The following SURF4 variants were observed in gnomAD, a reference collection of about 807,000 sequenced individuals.
SURF4 encodes the protein surfeit 4.
Under a neutral mutation model 30.0 loss-of-function variants are expected in SURF4, and 3 were observed. The ratio of observed to expected loss-of-function variants is 0.10; its 90% CI spans 0.05 to 0.26. The LOEUF (loss-of-function observed/expected upper bound fraction) is 0.26, where lower values mean the gene tolerates loss of function less well. Among genes scored for constraint, SURF4 ranks in the 10% least tolerant of loss-of-function variants. The pLI is 1.00. For synonymous variants in SURF4, 143 were observed against 139.9 expected, an observed-to-expected ratio of 1.02 and a Z score of -0.16; for missense variants, 217 against 350.8, an observed-to-expected ratio of 0.62 and a Z score of 3.05.
chr9:133,362,339 G>GT lies in SURF4; in HGVS notation c.*1153dup, dbSNP rs912472366. ...AAAAAGAGAAACACAGTATAAGGCA[G>GT]TGTTAGAAAACTTTAAATACAGGAT... On this transcript the variant is annotated 3_prime_UTR_variant, in exon 6 of 6. Transcript: ENST00000371989. 1 of 152,658 alleles carries GT rather than the reference G, an allele frequency of 6.6e-6. No homozygotes were observed. Among genetic ancestry groups the GT allele is most frequent in the Admixed American group, 6.5e-5 (1 of 15,288 alleles). The allele number at this position is 152,658 out of a possible 1,614,324, so 9.5% of individuals were successfully genotyped here.
intron 2 of SURF4, 111 bp downstream of exon 2, chr9:133,367,148 G>C (rs1367471567): frequency 2.9e-6 from 4 of 1,362,040 alleles, no homozygotes; most frequent in Non-Finnish European, 4.0e-6. Flanking sequence ...GAGGGGAATG[G>C]AGGGGGGACA....
At chr9:133,368,810 T>C (rs1010170540) in intron 1 of SURF4, among the ~76,000 whole-genome samples, 1 of 152,130 alleles carries the variant, frequency 6.6e-6, no homozygotes, top group African/African-American at 2.4e-5. Flanking sequence ...AAAGAAATAC[T>C]GTAACACAGC....
chr9:133,366,170 T>C, intron 3 of SURF4, 142 bp from the exon 4 acceptor site: 1 of 766,750 alleles, frequency 1.3e-6, no homozygotes, highest in East Asian at 2.6e-5. Context: ...CGAGGACAGA[T>C]CTAAGCTCAA....
intron 1 of SURF4, among the ~76,000 whole-genome samples, chr9:133,369,218 T>C (rs1837362671): frequency 6.6e-6 from 1 of 152,180 alleles, no homozygotes. Context: ...GCAGTGTCAG[T>C]TCTGCACACA....
chr9:133,363,346 G>A lies in SURF4; in HGVS notation c.*147C>T, dbSNP rs1836941370. On this transcript the variant is annotated 3_prime_UTR_variant, in exon 6 of 6. Coordinates refer to ENST00000371989, the MANE Select transcript of SURF4 (RefSeq NM_033161.4). The surrounding 1 kb of genome is among the most constrained non-coding windows in gnomAD (Gnocchi z 4.3). The stretch of plus-strand genomic sequence containing the variant: ...GAGCCATCGATTCTCAGGTGTCTCT[G>A]CAAATAAAGTTCTCAAAACATCTGT... 5 of 1,306,364 alleles carry A rather than the reference G, an allele frequency of 3.8e-6. No homozygotes were observed. The highest frequency in any genetic ancestry group is 3.9e-5 in the Admixed American group (2 of 50,942). The allele number at this position is 1,306,364 out of a possible 1,614,324, so 80.9% of individuals were successfully genotyped here.
intron 1 of SURF4, among the ~76,000 whole-genome samples, chr9:133,368,917 G>T (rs1179035): frequency 4.6e-5 from 7 of 152,228 alleles, no homozygotes; most frequent in African/African-American, 1.7e-4. Flanking sequence ...CACGGGAGGC[G>T]AGCGAACGTC....
At chr9:133,365,213 T>G (rs2130114957) in intron 4 of SURF4, among the ~76,000 whole-genome samples, 187 bp from the exon 5 acceptor site, 2 of 152,234 alleles carry the variant, frequency 1.3e-5, no homozygotes, top group East Asian at 3.9e-4. Flanking sequence ...GTTACACCCA[T>G]GTAAAACCTT....
chr9:133,375,113 G>A (rs965708946), intron 1 of SURF4: 2 of 657,424 alleles, frequency 3.0e-6, no homozygotes, highest in Non-Finnish European at 3.8e-6. Context: ...GCTTAATCAA[G>A]AAAGAGGGAA....
At chr9:133,374,146 C>G (rs1837705154) in intron 1 of SURF4, among the ~76,000 whole-genome samples, 1 of 152,104 alleles carries the variant, frequency 6.6e-6, no homozygotes, top group South Asian at 2.1e-4. Context: ...TCTTAGGGAG[C>G]TGCGACTTGG....
chr9:133,375,371 C>T, intron 1 of SURF4: 1 of 985,736 alleles, frequency 1.0e-6, no homozygotes, highest in Non-Finnish European at 1.2e-6. Flanking sequence ...TCAAAGGGAC[C>T]CCAAGAGTCC....
At position 133,367,417 on chromosome 9, in the gene SURF4, G is replaced by A; in HGVS notation, c.77C>T (p.Pro26Leu). Residue 26 changes from proline (P) to leucine (L), a missense_variant, in exon 2 of 6, where the codon CCC becomes CTC. Physicochemically the swap from Pro to Leu is moderately conservative, Grantham distance 98. Transcript: ENST00000371989. ...GATCAGACAGAGGCGCGCCACGTGG[G>A]GCAGGTACTGCTTTGTGACACGGAG... ...QFLRVTKQYLPHVARLCLIST... is the reference protein window; with the variant it reads ...QFLRVTKQYLLHVARLCLIST... 1 of 1,614,020 alleles carries A rather than the reference G, an allele frequency of 6.2e-7. No homozygotes were observed. The highest frequency in any genetic ancestry group is 8.5e-7 in the Non-Finnish European group (1 of 1,180,038).
chr9:133,375,829 G>C (rs113778232), intron 1 of SURF4, 93 bp downstream of exon 1: 1 of 1,176,952 alleles, frequency 8.5e-7, no homozygotes, highest in Non-Finnish European at 1.1e-6. Flanking sequence ...GGGGCGGCCC[G>C]GGCCTGGCGC....
At chr9:133,376,203 T>A (rs942804190), upstream of SURF4, 1 of 1,274,100 alleles carries the variant, frequency 7.8e-7, no homozygotes, top group Non-Finnish European at 9.9e-7. Context: ...TCCCGACCCA[T>A]CCGCTCGAAG....
At position 133,362,840 on chromosome 9, in the gene SURF4, T is replaced by TAAA. The variant is rs2130079375; in HGVS notation, c.*650_*652dup. The TAAA allele has an allele frequency of 0.055, 8,808 of 159,034 alleles. 334 individuals are homozygous for TAAA. The highest frequency in any genetic ancestry group is 0.085 in the Non-Finnish European group (6,114 of 72,224). 9.9% of individuals were successfully genotyped at this position (159,034 alleles called of 1,614,324 possible). A position where few individuals can be genotyped will look rare whatever the true frequency, so the allele number is the denominator to read the frequency against. On this transcript the variant is annotated 3_prime_UTR_variant, in exon 6 of 6. Coordinates refer to ENST00000371989, the MANE Select transcript of SURF4 (RefSeq NM_033161.4). ...CTAAAACTCCCAGGGTGTTACCCAA[T>TAAA]AAAACACTTGGCACCAATCCAAGCT...
intron 4 of SURF4, 97 bp from the exon 5 acceptor site, chr9:133,365,123 G>C: frequency 8.5e-7 from 1 of 1,179,468 alleles, no homozygotes; most frequent in Non-Finnish European, 1.2e-6. Context: ...AGTATAAGAA[G>C]GCCCTTACTT....
rs587688006 is a variant in SURF4, at chr9:133,361,979, G to T, written c.*1514C>A. ...CACAGGAGAAGAGAACCCATGTCCTGAAGCCATTGCTCGATCTTACCAATA... is the reference window on the plus strand; with the variant it reads ...CACAGGAGAAGAGAACCCATGTCCTTAAGCCATTGCTCGATCTTACCAATA... On this transcript the variant is annotated 3_prime_UTR_variant, in exon 6 of 6. Coordinates refer to ENST00000371989, the MANE Select transcript of SURF4 (RefSeq NM_033161.4). The T allele has an allele frequency of 6.6e-6, 1 of 152,288 alleles. No individual in the cohort carries two copies. The highest frequency in any genetic ancestry group is 1.5e-5 in the Non-Finnish European group (1 of 68,066). 9.4% of individuals were successfully genotyped at this position (152,288 alleles called of 1,614,324 possible).
intron 1 of SURF4, among the ~76,000 whole-genome samples, chr9:133,374,917 A>T (rs1837780448): frequency 6.6e-6 from 1 of 152,222 alleles, no homozygotes; most frequent in Non-Finnish European, 1.5e-5. Flanking sequence ...CACTACTTAA[A>T]ACTCTAGCAA....
At chr9:133,368,119 T>C (rs1289251310) in intron 1 of SURF4, among the ~76,000 whole-genome samples, 3 of 152,228 alleles carry the variant, frequency 2.0e-5, no homozygotes, top group Admixed American at 2.0e-4. Flanking sequence ...TCCCCTAGGC[T>C]TCGCAGACCT....
At chr9:133,370,547 A>G (rs954475832) in intron 1 of SURF4, among the ~76,000 whole-genome samples, 1 of 152,182 alleles carries the variant, frequency 6.6e-6, no homozygotes, top group Non-Finnish European at 1.5e-5. Flanking sequence ...TATTTCCTAC[A>G]TGCATGTTGG....
Sources: allele counts gnomAD v4.1 joint callset (sites outside exome capture counted in the v4.1 genomes callset), GRCh38; gene constraint gnomAD v4.1.1; non-coding constraint Gnocchi (gnomAD v3.1); transcripts MANE v1.5; gene names NCBI Gene and HGNC (gene_info 2026-07-23, HGNC 2026-07-21).